CFHR4: variants seen among roughly 807,000 people sequenced by gnomAD.
CFHR4 encodes the protein complement factor H related 4.
A neutral mutation model predicts 69.3 loss-of-function variants in CFHR4; 64 were observed. The observed-to-expected ratio is 0.92, with a 90% CI of 0.76 to 1.14. The LOEUF (loss-of-function observed/expected upper bound fraction) is 1.14, where lower values mean the gene tolerates loss of function less well. CFHR4 is among the 50% of genes most tolerant of loss of function. The pLI is 0.00. For synonymous variants in CFHR4, 244 were observed against 237.0 expected (o/e 1.03, Z -0.27); for missense variants, 636 against 684.9 (o/e 0.93, Z 0.80).
chr1:196,903,240 T>C (rs1247762687), intron 2 of CFHR4, among the ~76,000 whole-genome samples: 1 of 151,434 alleles, frequency 6.6e-6, no homozygotes, highest in Non-Finnish European at 1.5e-5. Flanking sequence ...CGAATTTATG[T>C]CTTTTTATTT....
intron 1 of CFHR4, among the ~76,000 whole-genome samples, chr1:196,890,202 C>G (rs1004419973): frequency 6.6e-6 from 1 of 151,426 alleles, no homozygotes; most frequent in Non-Finnish European, 1.5e-5. Flanking sequence ...GTATTGTCTT[C>G]GCTGAGTTTT....
intron 2 of CFHR4, among the ~76,000 whole-genome samples, chr1:196,904,377 T>G (rs935600602): frequency 6.6e-6 from 1 of 151,474 alleles, no homozygotes; most frequent in African/African-American, 2.4e-5. Flanking sequence ...GATAGTAAAA[T>G]TGGTCCATTT....
intron 9 of CFHR4, among the ~76,000 whole-genome samples, chr1:196,917,132 G>T (rs1445360635): frequency 5.1e-5 from 7 of 137,104 alleles, no homozygotes; most frequent in Non-Finnish European, 1.1e-4. Flanking sequence ...ATTTATTTAA[G>T]TAAGTACTTG....
chr1:196,889,440 A>G (rs777064313), intron 1 of CFHR4, among the ~76,000 whole-genome samples: 7 of 151,636 alleles, frequency 4.6e-5, no homozygotes, highest in Admixed American at 6.6e-5. Flanking sequence ...GAAATGACTG[A>G]AATTAGATTA....
In CFHR4 at chr1:196,914,499, T is replaced by C; in HGVS notation, c.1185T>C (p.Phe395=). ...GWSAQPICIK[F]CDMPVFENSR... ...CTCAATTTTATTTTGTTTCAGAATT[T>C]TGTGATATGCCTGTTTTTGAGAATT... Residue 395 remains phenylalanine, a synonymous_variant, in exon 8 of 10, where the codon TTT becomes TTC. Transcript: ENST00000608469. 1 of 1,605,200 alleles carries C rather than the reference T, an allele frequency of 6.2e-7. No homozygotes were observed. Among genetic ancestry groups the C allele is most frequent in the Non-Finnish European group, 8.5e-7 (1 of 1,176,394 alleles).
chr1:196,917,377 A>G (rs536313935), intron 9 of CFHR4, among the ~76,000 whole-genome samples: 1 of 152,040 alleles, frequency 6.6e-6, no homozygotes, highest in Admixed American at 6.6e-5. Context: ...ACATTTACCT[A>G]TGGAACAAAC....
chr1:196,900,852 G>A (rs896939736), intron 1 of CFHR4, among the ~76,000 whole-genome samples: 1 of 151,058 alleles, frequency 6.6e-6, no homozygotes, highest in Non-Finnish European at 1.5e-5. Context: ...CAAAAAATGG[G>A]GGGCAAAATC....
chr1:196,888,425 C>A (rs1312881549), intron 1 of CFHR4, among the ~76,000 whole-genome samples: 1 of 150,972 alleles, frequency 6.6e-6, no homozygotes, highest in Non-Finnish European at 1.5e-5. Flanking sequence ...CTTTGTTTTA[C>A]AAATTCTACA....
At chr1:196,899,516 C>G (rs575331139) in intron 1 of CFHR4, among the ~76,000 whole-genome samples, 1 of 151,606 alleles carries the variant, frequency 6.6e-6, no homozygotes, top group South Asian at 2.1e-4. Flanking sequence ...AGGCTGATCT[C>G]AAACTGGGCC....
intron 2 of CFHR4, among the ~76,000 whole-genome samples, chr1:196,904,732 C>T (rs1042759417): frequency 3.3e-5 from 5 of 151,398 alleles, no homozygotes; most frequent in Non-Finnish European, 7.4e-5. Flanking sequence ...GTATCTTTGC[C>T]TGGGAAATGG....
At position 196,914,505 on chromosome 1, in the gene CFHR4, T is replaced by C. The variant is rs781363065; in HGVS notation, c.1191T>C (p.Asp397=). ...SAQPICIKFC[D]MPVFENSRAK... is the part of the protein sequence containing the mutation. ...TTTATTTTGTTTCAGAATTTTGTGATATGCCTGTTTTTGAGAATTCCAGAG... is the reference window on the plus strand; with the variant it reads ...TTTATTTTGTTTCAGAATTTTGTGACATGCCTGTTTTTGAGAATTCCAGAG... The change falls in exon 8 of 10, where the codon GAT becomes GAC. Residue 397 remains aspartate, a synonymous_variant. Transcript: ENST00000608469. 3.7e-6 allele frequency: 6 copies of C among 1,606,382 alleles called. No individual in the cohort carries two copies. The highest frequency in any genetic ancestry group is 1.7e-5 in the Admixed American group (1 of 58,900).
intron 5 of CFHR4, among the ~76,000 whole-genome samples, chr1:196,909,297 A>C (rs1658107374): frequency 6.6e-6 from 1 of 151,478 alleles, no homozygotes; most frequent in South Asian, 2.1e-4. Flanking sequence ...AAATCTAAAG[A>C]AGCAAAGAGC....
intron 1 of CFHR4, among the ~76,000 whole-genome samples, chr1:196,893,610 C>A (rs1421559360): frequency 6.6e-6 from 1 of 151,326 alleles, no homozygotes; most frequent in Non-Finnish European, 1.5e-5. Context: ...AAATATATTT[C>A]ACTACACAAT....
Position 196,904,944 on chromosome 1 carries a change from T to C in CFHR4, c.257-164T>C, listed in dbSNP as rs1162038272. On this transcript the variant is annotated intron_variant, in intron 2 of 9. Coordinates refer to ENST00000608469, the MANE Select transcript of CFHR4 (RefSeq NM_001201550.3). ...GCCCTTCCCTGTGTTTTCACTATTTTCTTTCAAAATTCACAGATGTCTAGG... is the reference window on the plus strand; with the variant it reads ...GCCCTTCCCTGTGTTTTCACTATTTCCTTTCAAAATTCACAGATGTCTAGG... Among the ~76,000 whole-genome samples the C allele has an allele frequency of 2.0e-5, 3 of 151,654 alleles. No individual in the cohort carries two copies. The East Asian group carries it at 5.8e-4, about 29-fold the overall frequency.
At chr1:196,907,207 C>T in intron 4 of CFHR4, 109 bp from the exon 5 acceptor site, 1 of 1,225,644 alleles carries the variant, frequency 8.2e-7, no homozygotes, top group Non-Finnish European at 1.1e-6. Context: ...ATACAAATGT[C>T]TTCCTAAGAA....
rs907949711 is a variant in CFHR4, at chr1:196,906,897, C to T, written c.476C>T (p.Ala159Val). The T allele has an allele frequency of 1.9e-6, 3 of 1,605,380 alleles. No homozygotes were observed. The highest frequency in any genetic ancestry group is 2.7e-5 in the African/African-American group (2 of 73,840). Residue 159 changes from alanine to valine, a missense_variant, in exon 4 of 10, where the codon GCC (alanine) becomes GTC (valine). Transcript: ENST00000608469. Reference sequence around the variant, plus strand: ...ATGCCTGTTTTTGAGAATTCCAGAGCCAAGAGTAATGGCATGTGGTTTAAG... The same window carrying T: ...ATGCCTGTTTTTGAGAATTCCAGAGTCAAGAGTAATGGCATGTGGTTTAAG... ...CDMPVFENSR[A>V]KSNGMWFKLH...
At chr1:196,897,412 C>T (rs1657360470) in intron 1 of CFHR4, among the ~76,000 whole-genome samples, 1 of 151,578 alleles carries the variant, frequency 6.6e-6, no homozygotes, top group Admixed American at 6.6e-5. Flanking sequence ...TCAATGGACC[C>T]TCTGCCTTAT....
chr1:196,915,422 G>A (rs1658549281), intron 9 of CFHR4, among the ~76,000 whole-genome samples: 1 of 151,386 alleles, frequency 6.6e-6, no homozygotes, highest in African/African-American at 2.4e-5. Flanking sequence ...CAGATCACGA[G>A]GTCAGGAGTT....
intron 1 of CFHR4, among the ~76,000 whole-genome samples, chr1:196,895,094 A>G (rs1474348007): frequency 6.6e-6 from 1 of 151,312 alleles, no homozygotes; most frequent in Non-Finnish European, 1.5e-5. Flanking sequence ...TTAGCCTGAT[A>G]TAGTAGAGCA....
Sources: allele counts gnomAD v4.1 joint callset (sites outside exome capture counted in the v4.1 genomes callset), GRCh38; gene constraint gnomAD v4.1.1; transcripts MANE v1.5; gene names NCBI Gene and HGNC (gene_info 2026-07-23, HGNC 2026-07-21).